GALNT3: variants seen among roughly 807,000 people sequenced by gnomAD.
The protein encoded by GALNT3 is polypeptide N-acetylgalactosaminyltransferase 3.
Under a neutral mutation model 69.8 loss-of-function variants are expected in GALNT3, and 51 were observed. The observed-to-expected ratio is 0.73, with a 90% confidence interval of 0.58 to 0.92. GALNT3 has a LOEUF of 0.92. Among genes scored for constraint, GALNT3 ranks in the 40% least tolerant of loss-of-function variants. The probability of loss-of-function intolerance (pLI) is 0.00; values close to 1 mark genes in which losing one functional copy is unlikely to be tolerated. For synonymous variants in GALNT3, 265 were observed against 248.5 expected (o/e 1.07, Z -0.63); for missense variants, 711 against 760.0 (o/e 0.94, Z 0.76).
At chr2:165,763,561 A>C (rs1195497877) in intron 3 of GALNT3, among the ~76,000 whole-genome samples, 1 of 152,220 alleles carries the variant, frequency 6.6e-6, no homozygotes, top group Non-Finnish European at 1.5e-5. Context: ...CAGAAAGACA[A>C]GCAGAATTGT....
chr2:165,760,150 G>C (rs1217411119), intron 4 of GALNT3, among the ~76,000 whole-genome samples: 1 of 152,170 alleles, frequency 6.6e-6, no homozygotes, highest in Middle Eastern at 3.2e-3. Flanking sequence ...GCTTTTTGCT[G>C]TTCCACATTA....
Position 165,754,943 on chromosome 2 carries a change from T to G in GALNT3, c.1513A>C (p.Ile505Leu), listed in dbSNP as rs761823954. ...EVYVPDLNPV[I>L]SGYIKSVGQP... ...AGGAAAATACTCACGTATCCAGATA[T>G]AACAGGATTAAGGTCTGGCACATAC... The change falls in exon 8 of 11, where the codon ATA (isoleucine) becomes CTA (leucine). Residue 505 changes from isoleucine to leucine, a missense_variant. Coordinates refer to ENST00000392701, the MANE Select transcript of GALNT3 (RefSeq NM_004482.4). 1 of 1,613,436 alleles carries G rather than the reference T, an allele frequency of 6.2e-7. No homozygotes were observed. Among genetic ancestry groups the G allele is most frequent in the African/African-American group, 1.3e-5 (1 of 74,902 alleles).
At chr2:165,756,497 G>A (rs1158150946) in intron 7 of GALNT3, among the ~76,000 whole-genome samples, 1 of 152,054 alleles carries the variant, frequency 6.6e-6, no homozygotes, top group Non-Finnish European at 1.5e-5. Flanking sequence ...TTAAAACAGG[G>A]AAGGAGAGAA....
At chr2:165,782,611 CT>C (rs1683133908) in intron 1 of GALNT3, among the ~76,000 whole-genome samples, 1 of 152,150 alleles carries the variant, frequency 6.6e-6, no homozygotes, top group African/African-American at 2.4e-5. Flanking sequence ...TGCTGACCCC[CT>C]GGACCCACTA....
Position 165,770,327 on chromosome 2 carries a change from C to T in GALNT3, c.374G>A (p.Gly125Asp). Residue 125 changes from glycine to aspartate, a missense_variant, in exon 2 of 11, where the codon GGT (glycine) becomes GAT (aspartate). Coordinates refer to ENST00000392701, the MANE Select transcript of GALNT3 (RefSeq NM_004482.4). The part of the protein sequence containing the change: ...PQDSNAPGAS[G>D]KAFKTTNLSV... ...TAAATTGGTTGTCTTGAATGCTTTA[C>T]CAGAAGCACCAGGTGCATTTGAATC... 2.5e-6 allele frequency: 4 copies of T among 1,614,072 alleles called. No homozygotes were observed. The highest frequency in any genetic ancestry group is 3.4e-6 in the Non-Finnish European group (4 of 1,180,024).
intron 1 of GALNT3, among the ~76,000 whole-genome samples, chr2:165,778,405 G>T (rs1683020847): frequency 6.6e-6 from 1 of 152,160 alleles, no homozygotes; most frequent in African/African-American, 2.4e-5. Flanking sequence ...GGATTAGTAA[G>T]GAGATAGAAA....
At position 165,765,022 on chromosome 2, in the gene GALNT3, G is replaced by A; in HGVS notation, c.550C>T (p.Leu184=). 6.2e-7 allele frequency: 1 copy of A among 1,614,196 alleles called. No homozygotes were observed. The highest frequency in any genetic ancestry group is 8.5e-7 in the Non-Finnish European group (1 of 1,180,022). Residue 184 remains leucine, a synonymous_variant, in exon 3 of 11, where the codon CTG becomes TTG. Transcript: ENST00000392701. ...ACTATTATGACACTGGTGGTGGGCA[G>A]GGGAGGGCAGCGCTTAAATTTTTGT... is the stretch of plus-strand genomic sequence containing the variant. ...IEQKFKRCPP[L]PTTSVIIVFH... is the part of the protein sequence containing the mutation.
intron 1 of GALNT3, among the ~76,000 whole-genome samples, chr2:165,785,618 A>G (rs1432449670): frequency 6.6e-6 from 1 of 152,230 alleles, no homozygotes; most frequent in Non-Finnish European, 1.5e-5. Context: ...ACATTTCTTC[A>G]TTCCATGCAC....
chr2:165,766,026 G>A (rs1255219414), intron 2 of GALNT3, among the ~76,000 whole-genome samples: 2 of 152,082 alleles, frequency 1.3e-5, no homozygotes, highest in South Asian at 2.1e-4. Flanking sequence ...CAATCTTCCT[G>A]CCTAAGCCTC....
In GALNT3 at chr2:165,770,533, C is replaced by T. The variant is rs1435975151; in HGVS notation, c.168G>A (p.Met56Ile). 6.2e-7 allele frequency: 1 copy of T among 1,614,040 alleles called. No individual in the cohort carries two copies. The highest frequency in any genetic ancestry group is 8.5e-7 in the Non-Finnish European group (1 of 1,179,998). ...AATCCAACATCTTGTTTTTGTTTTT[C>T]ATGTTCCTTTCCATCCTTGATTCCT... ...SKEESRMERN[M>I]KNKNKMLDLM... Residue 56 changes from methionine to isoleucine, a missense_variant, in exon 2 of 11, where the codon ATG (methionine) becomes ATA (isoleucine). Transcript: ENST00000392701.
chr2:165,757,352 A>T (rs1277683867), intron 6 of GALNT3, 105 bp from the exon 7 acceptor site: 47 of 1,035,258 alleles, frequency 4.5e-5, no homozygotes, highest in Non-Finnish European at 6.6e-5. Flanking sequence ...ATTAGAGAAG[A>T]GATTACAATA....
intron 1 of GALNT3, among the ~76,000 whole-genome samples, chr2:165,785,749 C>T (rs1424914011): frequency 1.5e-4 from 23 of 151,982 alleles, no homozygotes; most frequent in Non-Finnish European, 1.5e-5. Flanking sequence ...AAAAGAAATT[C>T]CGAACAACCA....
At chr2:165,756,411 C>T (rs1326159910) in intron 7 of GALNT3, among the ~76,000 whole-genome samples, 1 of 152,080 alleles carries the variant, frequency 6.6e-6, no homozygotes, top group African/African-American at 2.4e-5. Context: ...ACAAGAGTAC[C>T]ATATATTTGT....
intron 2 of GALNT3, among the ~76,000 whole-genome samples, chr2:165,767,438 A>G (rs1183990610): frequency 6.6e-6 from 1 of 152,208 alleles, no homozygotes; most frequent in Non-Finnish European, 1.5e-5. Context: ...TTTCACAAAA[A>G]TTCATACTAG....
intron 1 of GALNT3, among the ~76,000 whole-genome samples, chr2:165,789,767 T>A (rs896909841): frequency 1.3e-5 from 2 of 152,106 alleles, no homozygotes; most frequent in Non-Finnish European, 2.9e-5. Flanking sequence ...ACATAATCAA[T>A]GTAAAAGTGT....
chr2:165,774,123 C>T (rs1263051202), intron 1 of GALNT3, among the ~76,000 whole-genome samples: 5 of 152,128 alleles, frequency 3.3e-5, no homozygotes, highest in African/African-American at 4.8e-5. Context: ...GAAAGTGGTT[C>T]CCAGTTGATG....
rs758363697 is a variant in GALNT3, at chr2:165,758,833, T to C, written c.1105A>G (p.Ile369Val). The change falls in exon 6 of 11, where the codon ATA (isoleucine) becomes GTA (valine). Residue 369 changes from isoleucine to valine, a missense_variant. By Grantham distance (29) the Ile-to-Val change is conservative. Coordinates refer to ENST00000392701, the MANE Select transcript of GALNT3 (RefSeq NM_004482.4). ...TPTFAGGLFS[I>V]SKEYFEYIGS... ...ATATACTCAAAATATTCTTTTGATA[T>C]GGAAAAAAGTCCTCCTGCAAAAGTG... The C allele has an allele frequency of 1.7e-5, 27 of 1,610,718 alleles. No homozygotes were observed. Among genetic ancestry groups the C allele is most frequent in the Non-Finnish European group, 2.1e-5 (25 of 1,177,240 alleles).
Position 165,754,961 on chromosome 2 carries a change from G to A in GALNT3, c.1495C>T (p.Pro499Ser), listed in dbSNP as rs769810017. ...LNNIYPEVYV[P>S]DLNPVISGYI... is the part of the protein sequence containing the mutation. ...CCAGATATAACAGGATTAAGGTCTG[G>A]CACATACACCTCTGGATAAATGTTG... Residue 499 changes from proline to serine, a missense_variant, in exon 8 of 11, where the codon CCA becomes TCA. By Grantham distance (74) the Pro-to-Ser change is moderately conservative. Coordinates refer to ENST00000392701, the MANE Select transcript of GALNT3 (RefSeq NM_004482.4). 6.2e-7 allele frequency: 1 copy of A among 1,613,326 alleles called. No individual in the cohort carries two copies. The highest frequency in any genetic ancestry group is 8.5e-7 in the Non-Finnish European group (1 of 1,179,530).
At chr2:165,790,324 G>T (rs1275808400) in intron 1 of GALNT3, among the ~76,000 whole-genome samples, 3 of 152,060 alleles carry the variant, frequency 2.0e-5, no homozygotes, top group African/African-American at 7.2e-5. Context: ...TCTTTGCTTT[G>T]CAATAAGTGA....
Sources: allele counts gnomAD v4.1 joint callset (sites outside exome capture counted in the v4.1 genomes callset), GRCh38; gene constraint gnomAD v4.1.1; transcripts MANE v1.5; gene names NCBI Gene and HGNC (gene_info 2026-07-23, HGNC 2026-07-21).